The following HSF1 variants were observed in gnomAD, a reference collection of about 807,000 sequenced individuals.
HSF1 encodes heat shock transcription factor 1, also known as heat shock factor protein 1.
A neutral mutation model predicts 51.7 loss-of-function variants in HSF1; 32 were observed. The ratio of observed to expected loss-of-function variants is 0.62; its 90% CI spans 0.47 to 0.83. The LOEUF is 0.83. Ranked by LOEUF, HSF1 falls within the 40% of genes least tolerant of loss-of-function variation. The probability of loss-of-function intolerance (pLI) is 0.00; values close to 1 mark genes in which losing one functional copy is unlikely to be tolerated. For synonymous variants in HSF1, 396 were observed against 309.7 expected (o/e 1.28, Z -2.92); for missense variants, 727 against 717.0 (o/e 1.01, Z -0.16).
At chr8:144,310,838 G>A (rs1816587960) in intron 4 of HSF1, 2 of 365,236 alleles carry the variant, frequency 5.5e-6, no homozygotes, top group Non-Finnish European at 1.0e-5. Context: ...TTGGAAGGGC[G>A]GCCCAAGGGT....
In HSF1 at chr8:144,311,731, T is replaced by C; in HGVS notation, c.755T>C (p.Leu252Pro). The change falls in exon 8 of 13, where the codon CTC (leucine) becomes CCC (proline). Residue 252 changes from leucine to proline, a missense_variant. Leu to Pro is a moderately conservative substitution (Grantham distance 98, BLOSUM62 -3). Coordinates refer to ENST00000528838, the MANE Select transcript of HSF1 (RefSeq NM_005526.4). ...TCCCCAGCCTACAGCAGCTCCAGCC[T>C]CTACGCCCCTGATGCTGTGGCCAGC... ...APSPAYSSSS[L>P]YAPDAVASSG... is the part of the protein sequence containing the mutation. The C allele has an allele frequency of 6.2e-7, 1 of 1,612,650 alleles. No individual in the cohort carries two copies. Among genetic ancestry groups the C allele is most frequent in the Non-Finnish European group, 8.5e-7 (1 of 1,179,616 alleles).
At position 144,314,315 on chromosome 8, in the gene HSF1, C is replaced by A. The variant is rs1554846232; in HGVS notation, c.1575C>A (p.Asp525Glu). 6.5e-7 allele frequency: 1 copy of A among 1,550,190 alleles called. No individual in the cohort carries two copies. The highest frequency in any genetic ancestry group is 8.7e-7 in the Non-Finnish European group (1 of 1,146,806). The change falls in exon 13 of 13, where the codon GAC becomes GAA. Residue 525 changes from aspartate to glutamate, a missense_variant. Transcript: ENST00000528838. ...GCTCGGAGCCTCCCAAAGCCAAGGA[C>A]CCCACTGTCTCCTAGAGGCCCCGGA... ...LTGSEPPKAK[D>E]PTVS
chr8:144,304,152 G>T (rs1554842875), intron 1 of HSF1, among the ~76,000 whole-genome samples: 4 of 151,624 alleles, frequency 2.6e-5, no homozygotes, highest in Admixed American at 6.6e-5. Context: ...AGGGGAGAAG[G>T]GTCCCCATCT....
rs1212211800 is a variant in HSF1 at position 144,297,597 on chromosome 8, T to C, written c.117+5723T>C. Among the ~76,000 whole-genome samples the C allele has an allele frequency of 6.6e-6, 1 of 152,176 alleles. No homozygotes were observed. On this transcript the variant is annotated intron_variant, in intron 1 of 12. Coordinates refer to ENST00000528838, the MANE Select transcript of HSF1 (RefSeq NM_005526.4). This position sits in a 1 kb window ranked among gnomAD's most constrained non-coding sequence, Gnocchi z 4.6. ...CACCTGCTCGCGCTTCCTGCCTGCC[T>C]CACTGCTTCCATGCCCTGACTCCGG...
chr8:144,311,118 C>G, intron 4 of HSF1, 56 bp from the exon 5 acceptor site: 1 of 1,515,570 alleles, frequency 6.6e-7, no homozygotes. Flanking sequence ...GTGGGGCTCC[C>G]TCAGCCCTGG....
chr8:144,306,962 C>A (rs1447524069), intron 1 of HSF1, among the ~76,000 whole-genome samples: 1 of 151,978 alleles, frequency 6.6e-6, no homozygotes, highest in Non-Finnish European at 1.5e-5. Flanking sequence ...AGCACTCGGC[C>A]AGGCAGTGGA....
intron 1 of HSF1, among the ~76,000 whole-genome samples, chr8:144,294,913 A>G (rs1266389009): frequency 1.3e-5 from 2 of 152,240 alleles, no homozygotes; most frequent in East Asian, 1.9e-4. Context: ...ACATAAGAGC[A>G]TGGGCGTGCA....
Position 144,311,212 on chromosome 8 carries a change from G to A in HSF1, c.527G>A (p.Arg176Gln), listed in dbSNP as rs943618551. 1.2e-6 allele frequency: 2 copies of A among 1,608,202 alleles called. No individual in the cohort carries two copies. Among genetic ancestry groups the A allele is most frequent in the Non-Finnish European group, 1.7e-6 (2 of 1,177,736 alleles). Residue 176 changes from arginine (R) to glutamine (Q), a missense_variant, in exon 5 of 13, where the codon CGG becomes CAG. Physicochemically the swap from Arg to Gln is conservative, Grantham distance 43 (BLOSUM62 1). Around this residue, in one of 2 missense-constraint regions of HSF1, gnomAD observed 257 missense variants for 318.3 expected, o/e 0.81. Transcript: ENST00000528838. ...EALWREVASL[R>Q]QKHAQQQKVV... is the part of the protein sequence containing the mutation. ...CTGTGGCGGGAGGTGGCCAGCCTTC[G>A]GCAGAAGCATGCCCAGCAACAGAAA...
intron 1 of HSF1, among the ~76,000 whole-genome samples, chr8:144,304,092 C>A (rs1433303982): frequency 7.9e-5 from 12 of 152,254 alleles, no homozygotes; most frequent in African/African-American, 2.6e-4. Flanking sequence ...ATGTGAAACT[C>A]TGGTGGTCTG....
rs782102680 is a variant in HSF1, at chr8:144,312,014, G to A, written c.912G>A (p.Pro304=). ...LVRVKEEPPS[P]PQSPRVEEAS... ...GTGTCAAGGAGGAGCCCCCCAGCCC[G>A]CCTCAGAGCCCCCGGGTAGAGGAGG... The change falls in exon 9 of 13, where the codon CCG becomes CCA. Residue 304 remains proline, a synonymous_variant. Coordinates refer to ENST00000528838, the MANE Select transcript of HSF1 (RefSeq NM_005526.4). The A allele has an allele frequency of 2.9e-5, 46 of 1,601,280 alleles. No individual in the cohort carries two copies. The highest frequency in any genetic ancestry group is 1.7e-4 in the Middle Eastern group (1 of 6,038).
chr8:144,311,493 C>A lies in HSF1; in HGVS notation c.627-12C>A, dbSNP rs1554844473. On this transcript the variant is annotated splice_polypyrimidine_tract_variant and intron_variant, in intron 6 of 12. Transcript: ENST00000528838. ...GTGGGGGGTGGTGGCTGACCTGCAC[C>A]CTTCCCCACAGCCCCCTGATGCTGA... 6.2e-7 allele frequency: 1 copy of A among 1,613,316 alleles called. No individual in the cohort carries two copies. Among genetic ancestry groups the A allele is most frequent in the African/African-American group, 1.3e-5 (1 of 74,922 alleles).
chr8:144,306,441 C>T (rs1816238136), intron 1 of HSF1, among the ~76,000 whole-genome samples: 2 of 152,064 alleles, frequency 1.3e-5, no homozygotes, highest in Non-Finnish European at 2.9e-5. Flanking sequence ...CAGCTCACTG[C>T]AGCCTTCACC....
intron 1 of HSF1, among the ~76,000 whole-genome samples, chr8:144,302,177 A>AT (rs1324901783): frequency 4.7e-5 from 7 of 148,842 alleles, no homozygotes; most frequent in African/African-American, 1.7e-4. Context: ...AAAAAAAAAA[A>AT]TTTTTTTTTG....
rs373838093 is a variant in HSF1, at chr8:144,312,174, G to A, written c.1072G>A (p.Glu358Lys). The change falls in exon 9 of 13, where the codon GAG becomes AAG. Residue 358 changes from glutamate to lysine, a missense_variant. Physicochemically the swap from Glu to Lys is moderately conservative, Grantham distance 56. Around this residue, in one of 2 missense-constraint regions of HSF1, gnomAD observed 470 missense variants for 398.8 expected, o/e 1.18. Coordinates refer to ENST00000528838, the MANE Select transcript of HSF1 (RefSeq NM_005526.4). ...LTDARGHTDT[E>K]GRPPSPPPTS... is the part of the protein sequence containing the mutation. ...GGACGCCAGGGGCCACACGGACACCGAGGGCCGGCCTCCCTCCCCCCCGCC... is the reference window on the plus strand; with the variant it reads ...GGACGCCAGGGGCCACACGGACACCAAGGGCCGGCCTCCCTCCCCCCCGCC... 20 of 1,607,070 alleles carry A rather than the reference G, an allele frequency of 1.2e-5. No homozygotes were observed. The East Asian group carries it at 1.8e-4, about 14-fold the overall frequency.
intron 9 of HSF1, chr8:144,312,871 C>T (rs1816782292): frequency 3.1e-6 from 2 of 647,646 alleles, no homozygotes; most frequent in Non-Finnish European, 5.4e-6. Context: ...CGTCATGGCT[C>T]CCCTGGCCAC....
At chr8:144,299,454 T>C (rs1815710886) in intron 1 of HSF1, among the ~76,000 whole-genome samples, 1 of 148,938 alleles carries the variant, frequency 6.7e-6, no homozygotes, top group Non-Finnish European at 1.5e-5. Flanking sequence ...AAAAAAAAAT[T>C]CACGTCCAGA....
At chr8:144,294,773 C>T (rs1364030406) in intron 1 of HSF1, among the ~76,000 whole-genome samples, 2 of 152,140 alleles carry the variant, frequency 1.3e-5, no homozygotes, top group African/African-American at 4.8e-5. Flanking sequence ...CCCCCCCTCC[C>T]AAGACCCTCA....
At chr8:144,294,323 AGTCCCAACAGGGCACC>A (rs1554840939) in intron 1 of HSF1, among the ~76,000 whole-genome samples, 4 of 152,242 alleles carry the variant, frequency 2.6e-5, no homozygotes, top group African/African-American at 9.6e-5. Context: ...CTGTCAGCAG[AGTCCCAACAGGGCACC>A]CTCCCACAAA....
At chr8:144,295,077 C>T (rs564532425) in intron 1 of HSF1, among the ~76,000 whole-genome samples, 2 of 152,254 alleles carry the variant, frequency 1.3e-5, no homozygotes, top group East Asian at 3.9e-4. Context: ...ACCCGGGACC[C>T]GCAGCCTCCC....
Sources: allele counts gnomAD v4.1 joint callset (sites outside exome capture counted in the v4.1 genomes callset), GRCh38; gene constraint gnomAD v4.1.1; regional missense constraint gnomAD v4.1.1; non-coding constraint Gnocchi (gnomAD v3.1); transcripts MANE v1.5; gene names NCBI Gene and HGNC (gene_info 2026-07-23, HGNC 2026-07-21).